LRP1: variants seen among roughly 807,000 people sequenced by gnomAD.
The protein encoded by LRP1 is LDL receptor related protein 1.
A neutral mutation model predicts 541.5 loss-of-function variants in LRP1; 51 were observed. The observed-to-expected ratio is 0.09, with a 90% CI of 0.08 to 0.12. The LOEUF (loss-of-function observed/expected upper bound fraction) is 0.12. Ranked by LOEUF, LRP1 falls within the 10% of genes least tolerant of loss-of-function variation. The probability of loss-of-function intolerance (pLI) is 1.00; values close to 1 mark genes in which losing one functional copy is unlikely to be tolerated. For missense variants in LRP1, 3,878 were observed against 6,376.2 expected, an observed-to-expected ratio of 0.61 and a Z score of 13.34; for synonymous variants, 2,219 against 2,470.8, an observed-to-expected ratio of 0.90 and a Z score of 3.02.
chr12:57,153,067 C>T (rs2035554578), intron 6 of LRP1, among the ~76,000 whole-genome samples: 1 of 152,120 alleles, frequency 6.6e-6, no homozygotes, highest in Admixed American at 6.5e-5. Context: ...GAGTTTCAGC[C>T]CAAAGCAGGT....
intron 6 of LRP1, among the ~76,000 whole-genome samples, chr12:57,150,344 ACCACG>A (rs2035504083): frequency 1.3e-5 from 2 of 151,904 alleles, no homozygotes; most frequent in South Asian, 4.2e-4. Context: ...GGTGCCCGCC[ACCACG>A]CCTGGCTAAT....
chr12:57,143,865 G>A, intron 4 of LRP1, 67 bp downstream of exon 4: 1 of 1,529,096 alleles, frequency 6.5e-7, no homozygotes, highest in Non-Finnish European at 8.9e-7. Context: ...GGCAGGGAGG[G>A]GCAGAGAGGG....
At position 57,204,615 on chromosome 12, in the gene LRP1, T is replaced by C. The variant is rs921416800; in HGVS notation, c.11072-12T>C. 3 of 1,613,548 alleles carry C rather than the reference T, an allele frequency of 1.9e-6. No individual in the cohort carries two copies. The highest frequency in any genetic ancestry group is 2.5e-6 in the Non-Finnish European group (3 of 1,179,828). On this transcript the variant is annotated splice_polypyrimidine_tract_variant and intron_variant, in intron 71 of 88. Coordinates refer to ENST00000243077, the MANE Select transcript of LRP1 (RefSeq NM_002332.3). This position sits in a 1 kb window ranked among gnomAD's most constrained non-coding sequence, Gnocchi z 5.3. ...GACTAATTCTGGCTCTGTGTCCCCC[T>C]GGCTGCTGCAGCCCGGTTCGTGTGC...
rs559724732 is a variant in LRP1, at chr12:57,181,629, G to A, written c.5662+338G>A. Reference sequence around the variant, plus strand: ...CCCAGCCAAGAGTGGTGGGCAAAGTGTGGGGAAGTCCTGGAGATAAGGCTG... The same window carrying A: ...CCCAGCCAAGAGTGGTGGGCAAAGTATGGGGAAGTCCTGGAGATAAGGCTG... On this transcript the variant is annotated intron_variant, in intron 34 of 88. Coordinates refer to ENST00000243077, the MANE Select transcript of LRP1 (RefSeq NM_002332.3). Among the ~76,000 whole-genome samples the A allele has an allele frequency of 1.1e-3, 167 of 152,306 alleles. 1 individual carries two copies. The highest frequency in any genetic ancestry group is 3.7e-3 in the African/African-American group (155 of 41,566).
chr12:57,209,057 T>C, intron 78 of LRP1, 26 bp from the exon 79 acceptor site: 1 of 1,583,016 alleles, frequency 6.3e-7, no homozygotes. Context: ...GAGGCCAAGC[T>C]CTCACAGTGC....
chr12:57,159,521 TC>T (rs1003887922), intron 11 of LRP1, among the ~76,000 whole-genome samples: 1 of 152,156 alleles, frequency 6.6e-6, no homozygotes, highest in African/African-American at 2.4e-5. Context: ...TTGTTTCAGC[TC>T]TCCATGCAGG....
intron 6 of LRP1, chr12:57,149,638 C>T: frequency 2.8e-6 from 2 of 713,440 alleles, no homozygotes; most frequent in Non-Finnish European, 5.1e-6. Flanking sequence ...CTAAGCCAGG[C>T]AGGGGAAGGT....
In LRP1 at chr12:57,192,907, C is replaced by G; in HGVS notation, c.7492C>G (p.Gln2498Glu). The G allele has an allele frequency of 1.2e-6, 2 of 1,614,062 alleles. No homozygotes were observed. Among genetic ancestry groups the G allele is most frequent in the Non-Finnish European group, 1.7e-6 (2 of 1,180,010 alleles). ...GCQDLCLLTH[Q>E]GHVNCSCRGG... ...CCAGGACCTGTGTCTGCTCACTCACCAGGGCCATGTCAACTGCTCATGCCG... is the reference window on the plus strand; with the variant it reads ...CCAGGACCTGTGTCTGCTCACTCACGAGGGCCATGTCAACTGCTCATGCCG... Residue 2498 changes from glutamine to glutamate, a missense_variant, in exon 45 of 89, where the codon CAG becomes GAG. Transcript: ENST00000243077.
At chr12:57,147,530 G>A (rs1314939331) in intron 6 of LRP1, 1 of 152,224 alleles carries the variant, frequency 6.6e-6, no homozygotes, top group Non-Finnish European at 1.5e-5. Flanking sequence ...TGCCCTCCAG[G>A]GCAGCCCTCC....
Position 57,211,608 on chromosome 12 carries a change from C to T in LRP1, c.13193+20C>T, listed in dbSNP as rs1181390773. 10 of 1,612,132 alleles carry T rather than the reference C, an allele frequency of 6.2e-6. No individual in the cohort carries two copies. The highest frequency in any genetic ancestry group is 2.2e-5 in the East Asian group (1 of 44,868). ...GTGCCAGTGAGTTGGGCCCGGGCTT[C>T]ACCCAGGCATAGATCATCGCTCCCT... is the stretch of plus-strand genomic sequence containing the variant. On this transcript the variant is annotated intron_variant, in intron 85 of 88. Transcript: ENST00000243077. The surrounding 1 kb of genome is among the most constrained non-coding windows in gnomAD (Gnocchi z 4.3).
chr12:57,160,982 A>G lies in LRP1; in HGVS notation c.2069A>G (p.Asp690Gly), dbSNP rs1247059972. The change falls in exon 13 of 89, where the codon GAC (aspartate) becomes GGC (glycine). Residue 690 changes from aspartate to glycine, a missense_variant. Transcript: ENST00000243077. The stretch of plus-strand genomic sequence containing the variant: ...GCGTGGATGGATGGCTCACACCGAG[A>G]CATCTTTGTCACCTCCAAGACAGTG... ...ERAWMDGSHRDIFVTSKTVLW... is the reference protein window; with the variant it reads ...ERAWMDGSHRGIFVTSKTVLW... The G allele has an allele frequency of 2.5e-6, 4 of 1,613,954 alleles. No homozygotes were observed. The Admixed American group carries it at 6.7e-5, about 27-fold the overall frequency.
intron 1 of LRP1, chr12:57,129,236 C>A (rs2136643836): frequency 1.7e-6 from 1 of 580,932 alleles, no homozygotes; most frequent in East Asian, 2.8e-5. Context: ...CTTCCGGGGC[C>A]CCCCAGCACA....
intron 1 of LRP1, among the ~76,000 whole-genome samples, chr12:57,136,828 A>G (rs1053752635): frequency 1.8e-4 from 27 of 152,300 alleles, no homozygotes; most frequent in African/African-American, 5.5e-4. Flanking sequence ...CAATTTCTTC[A>G]TCTGTGAAAT....
Position 57,211,869 on chromosome 12 carries a change from C to CGTGT in LRP1, c.13259-56_13259-53dup. On this transcript the variant is annotated intron_variant, in intron 86 of 88. Transcript: ENST00000243077. The surrounding 1 kb of genome is among the most constrained non-coding windows in gnomAD (Gnocchi z 4.3). Reference sequence around the variant, plus strand: ...CCACCGGGACCTAGAGCAGGGGGACCGTGTGCCTCCTGCTTCCCTGAGCCT... The same window carrying CGTGT: ...CCACCGGGACCTAGAGCAGGGGGACCGTGTGTGTGCCTCCTGCTTCCCTGAGCCT... 1 of 1,613,274 alleles carries CGTGT rather than the reference C, an allele frequency of 6.2e-7. No individual in the cohort carries two copies. The highest frequency in any genetic ancestry group is 8.5e-7 in the Non-Finnish European group (1 of 1,179,506).
At chr12:57,151,716 C>T (rs906992812) in intron 6 of LRP1, among the ~76,000 whole-genome samples, 3 of 152,232 alleles carry the variant, frequency 2.0e-5, no homozygotes, top group Admixed American at 2.0e-4. Flanking sequence ...CCTCCTCTCC[C>T]TTTGAGCCCA....
intron 11 of LRP1, 44 bp from the exon 12 acceptor site, chr12:57,159,781 C>A: frequency 6.2e-7 from 1 of 1,602,690 alleles, no homozygotes; most frequent in East Asian, 2.2e-5. Context: ...CAGCTTTGAA[C>A]TTCCTTTGAA....
At chr12:57,149,765 C>T (rs1489533116) in intron 6 of LRP1, 8 of 713,942 alleles carry the variant, frequency 1.1e-5, no homozygotes, top group Admixed American at 3.9e-5. Context: ...GAGCTGAAGT[C>T]GGGACCCAGC....
At chr12:57,194,896 C>A in intron 50 of LRP1, 89 bp from the exon 51 acceptor site, 1 of 1,203,274 alleles carries the variant, frequency 8.3e-7, no homozygotes, top group Non-Finnish European at 1.2e-6. Context: ...GTGCTGTGGG[C>A]ATCTCTCCTG....
intron 1 of LRP1, among the ~76,000 whole-genome samples, chr12:57,129,682 G>T (rs1397224977): frequency 6.6e-6 from 1 of 152,208 alleles, no homozygotes; most frequent in South Asian, 2.1e-4. Context: ...GGGGCAGAGA[G>T]GGGGAGCTCG....
Sources: gnomAD v4.1 joint callset for allele counts (sites outside exome capture counted in the v4.1 genomes callset) on GRCh38, gnomAD v4.1.1 for gene constraint, Gnocchi (gnomAD v3.1) non-coding constraint, MANE v1.5 for transcripts, NCBI Gene and HGNC (gene_info 2026-07-23, HGNC 2026-07-21) for gene names.